NFIB: variants seen among roughly 807,000 people sequenced by gnomAD.
NFIB encodes the protein nuclear factor I B.
NFIB carries 11 observed loss-of-function variants against 61.5 expected under a neutral mutation model. That is an observed-to-expected ratio of 0.18 (90% CI 0.11 to 0.30). NFIB has a LOEUF of 0.30. NFIB is among the 10% of genes least tolerant of loss of function. The probability of loss-of-function intolerance (pLI) is 1.00; values close to 1 mark genes in which losing one functional copy is unlikely to be tolerated. For synonymous variants in NFIB, 260 were observed against 216.5 expected (o/e 1.20, Z -1.76); for missense variants, 471 against 608.9 (o/e 0.77, Z 2.38).
chr9:14,195,828 C>G (rs10810107), intron 2 of NFIB, among the ~76,000 whole-genome samples: 60,794 of 151,528 alleles, frequency 0.4, 14,527 homozygotes, highest in Non-Finnish European at 0.54. Context: ...CAAACATAGA[C>G]AAAGGAATCT....
Position 14,097,850 on chromosome 9 carries a change from C to CA in NFIB, c.1468-9525_1468-9524insT, listed in dbSNP as rs1480272841. 4.6e-5 allele frequency among the ~76,000 whole-genome samples: 6 copies of CA among 129,668 alleles called. No homozygotes were observed. The East Asian group carries it at 1.3e-3, about 29-fold the overall frequency. The allele number at this position is 129,668 out of a possible 152,430, so 85.1% of individuals were successfully genotyped here. On this transcript the variant is annotated intron_variant, in intron 10 of 10. Transcript: ENST00000380953. ...AAATGAGAGCTATTACCCCCCCACACTTTTTTTTTCTTTCTTTCTTTTTTC... is the reference window on the plus strand; with the variant it reads ...AAATGAGAGCTATTACCCCCCCACACATTTTTTTTTCTTTCTTTCTTTTTTC...
chr9:14,127,805 T>C (rs1283901808), intron 6 of NFIB, among the ~76,000 whole-genome samples: 1 of 152,016 alleles, frequency 6.6e-6, no homozygotes, highest in East Asian at 1.9e-4. Context: ...GTAAAGGCAG[T>C]AGACATCACA....
intron 2 of NFIB, among the ~76,000 whole-genome samples, chr9:14,224,209 A>C (rs1348134016): frequency 1.3e-5 from 2 of 152,244 alleles, no homozygotes; most frequent in Non-Finnish European, 2.9e-5. Flanking sequence ...GATAGGCTAC[A>C]CAGAAAATTG....
At chr9:14,446,477 C>T in the NFIB span, among the ~76,000 whole-genome samples, 160 of 152,180 alleles carry the variant, frequency 1.1e-3, no homozygotes, top group Middle Eastern at 6.8e-3. Context: ...TTCTACAGAT[C>T]TCTTTTACAG....
intron 1 of NFIB, among the ~76,000 whole-genome samples, chr9:14,385,668 C>T (rs1236307052): frequency 5.3e-5 from 8 of 152,132 alleles, no homozygotes; most frequent in Non-Finnish European, 1.0e-4. Context: ...TGCCATTTTT[C>T]TGAGCATGAG....
At chr9:14,260,132 T>C (rs569656456) in intron 2 of NFIB, among the ~76,000 whole-genome samples, 4 of 152,222 alleles carry the variant, frequency 2.6e-5, no homozygotes, top group African/African-American at 7.2e-5. Flanking sequence ...TGAGAACACG[T>C]AGAGAAGAGT....
rs755952513 is a variant in NFIB at position 14,150,287 on chromosome 9, C to G, written c.686-22G>C. On this transcript the variant is annotated intron_variant, in intron 4 of 10. Transcript: ENST00000380953. The stretch of plus-strand genomic sequence containing the variant: ...GGCGCTGAGGAATAAGACAAAGAAG[C>G]ACTGGGAATGACATTCGTATTTCTG... 6.8e-6 allele frequency: 11 copies of G among 1,612,746 alleles called. No individual in the cohort carries two copies. The South Asian group carries it at 1.2e-4, about 18-fold the overall frequency.
chr9:14,524,041 T>G, the NFIB span, among the ~76,000 whole-genome samples: 2 of 152,152 alleles, frequency 1.3e-5, no homozygotes, highest in Non-Finnish European at 2.9e-5. Context: ...AGAACTTGAG[T>G]GCTCATTGGA....
intron 1 of NFIB, among the ~76,000 whole-genome samples, chr9:14,320,911 C>T (rs1248011675): frequency 6.6e-6 from 1 of 152,074 alleles, no homozygotes; most frequent in African/African-American, 2.4e-5. Context: ...ATTTTGGCGC[C>T]TTTTCCCTGC....
chr9:14,469,436 G>T, the NFIB span, among the ~76,000 whole-genome samples: 1 of 152,106 alleles, frequency 6.6e-6, no homozygotes, highest in Non-Finnish European at 1.5e-5. Context: ...TATTCTCACT[G>T]GTATGACTTA....
At chr9:14,115,979 C>G (rs953460590) in intron 9 of NFIB, among the ~76,000 whole-genome samples, 2 of 152,164 alleles carry the variant, frequency 1.3e-5, no homozygotes, top group African/African-American at 4.8e-5. Context: ...GAGCTTCTCC[C>G]TTTTCAAATA....
chr9:14,375,458 C>T (rs568420621), intron 1 of NFIB, among the ~76,000 whole-genome samples: 1 of 152,252 alleles, frequency 6.6e-6, no homozygotes, highest in South Asian at 2.1e-4. Flanking sequence ...CAGTTCGAGA[C>T]CAGCCTGACC....
At chr9:14,374,379 G>C (rs2061392961) in intron 1 of NFIB, among the ~76,000 whole-genome samples, 1 of 152,188 alleles carries the variant, frequency 6.6e-6, no homozygotes, top group African/African-American at 2.4e-5. Flanking sequence ...TGGAAAATAA[G>C]TGAGAAAAGT....
intron 3 of NFIB, among the ~76,000 whole-genome samples, chr9:14,160,019 G>C (rs1214342073): frequency 3.9e-5 from 6 of 152,168 alleles, no homozygotes; most frequent in Non-Finnish European, 8.8e-5. Context: ...CAGAGCAGCT[G>C]CTTAATGGTT....
At chr9:14,487,544 C>A in the NFIB span, among the ~76,000 whole-genome samples, 1 of 152,138 alleles carries the variant, frequency 6.6e-6, no homozygotes, top group African/African-American at 2.4e-5. Flanking sequence ...CTTCCCTGAC[C>A]CCACCCCCAA....
upstream of NFIB, among the ~76,000 whole-genome samples, chr9:14,316,921 CTT>C (rs1303082241): frequency 6.6e-6 from 1 of 152,322 alleles, no homozygotes; most frequent in East Asian, 1.9e-4. Flanking sequence ...GAACACACCT[CTT>C]TGAATGCCTG....
intron 1 of NFIB, among the ~76,000 whole-genome samples, chr9:14,350,991 G>A (rs1310634055): frequency 6.6e-6 from 1 of 152,222 alleles, no homozygotes; most frequent in Admixed American, 6.5e-5. Flanking sequence ...CAAAGGCCAA[G>A]CTTTGGCAAA....
the NFIB span, among the ~76,000 whole-genome samples, chr9:14,436,566 G>A: frequency 1.6e-4 from 24 of 152,302 alleles, no homozygotes; most frequent in African/African-American, 5.8e-4. Flanking sequence ...CACATTCACT[G>A]TCTTCTTAGG....
chr9:14,204,004 G>A (rs1332831775), intron 2 of NFIB, among the ~76,000 whole-genome samples: 1 of 152,040 alleles, frequency 6.6e-6, no homozygotes, highest in Non-Finnish European at 1.5e-5. Context: ...CATAAGCAAA[G>A]CCAACACTTT....
Sources: allele counts gnomAD v4.1 joint callset (sites outside exome capture counted in the v4.1 genomes callset), GRCh38; gene constraint gnomAD v4.1.1; transcripts MANE v1.5; gene names NCBI Gene and HGNC (gene_info 2026-07-23, HGNC 2026-07-21).